Variants in ARL2BP observed in about 807,000 individuals in gnomAD.
ARL2BP encodes the protein ADP-ribosylation factor-like protein 2-binding protein.
ARL2BP carries 19 observed loss-of-function variants against 24.2 expected under a neutral mutation model. The ratio of observed to expected loss-of-function variants is 0.79; its 90% CI spans 0.55 to 1.15. The LOEUF (loss-of-function observed/expected upper bound fraction) is 1.15. Ranked by LOEUF, ARL2BP falls within the 50% of genes most tolerant of loss-of-function variation. The probability of loss-of-function intolerance (pLI) is 0.00; values close to 1 mark genes in which losing one functional copy is unlikely to be tolerated. For synonymous variants in ARL2BP, 56 were observed against 70.5 expected, an observed-to-expected ratio of 0.79 and a Z score of 1.03; for missense variants, 160 against 190.4, an observed-to-expected ratio of 0.84 and a Z score of 0.94.
chr16:57,252,481 C>T lies in ARL2BP; in HGVS notation c.*214C>T. The T allele has an allele frequency of 1.2e-6, 1 of 810,982 alleles. No individual in the cohort carries two copies. The highest frequency in any genetic ancestry group is 1.7e-5 in the African/African-American group (1 of 57,702). The allele number at this position is 810,982 out of a possible 1,614,324, so 50.2% of individuals were successfully genotyped here. ...TGTATTCATTAACCATAGTACTCCTCCCCACCTCAAGTAGACACCTCTCTC... is the reference window on the plus strand; with the variant it reads ...TGTATTCATTAACCATAGTACTCCTTCCCACCTCAAGTAGACACCTCTCTC... On this transcript the variant is annotated 3_prime_UTR_variant, in exon 6 of 6. Coordinates refer to ENST00000219204, the MANE Select transcript of ARL2BP (RefSeq NM_012106.4).
Position 57,248,625 on chromosome 16 carries a change from AC to A in ARL2BP, c.191del (p.Pro64LeufsTer10), listed in dbSNP as rs1286765014. 4 of 1,583,880 alleles carry A rather than the reference AC, an allele frequency of 2.5e-6. No individual in the cohort carries two copies. Among genetic ancestry groups the A allele is most frequent in the Admixed American group, 3.5e-5 (2 of 56,452 alleles). ...CAGAAGAGAATAAACTCATCTACACACCTATTTTTAATGAATACGTAAGTAG... is the reference window on the plus strand; with the variant it reads ...CAGAAGAGAATAAACTCATCTACACACTATTTTTAATGAATACGTAAGTAG... ...DTEENKLIYTPIFNEYISLVE... is the reference protein window; with the variant it reads ...DTEENKLIYTXIFNEYISLVE... On this transcript the variant is annotated frameshift_variant, in exon 3 of 6. Transcript: ENST00000219204. LOFTEE classifies it high-confidence loss of function.
chr16:57,246,804 G>C (rs1248079476), intron 2 of ARL2BP, among the ~76,000 whole-genome samples: 2 of 152,080 alleles, frequency 1.3e-5, no homozygotes, highest in African/African-American at 4.8e-5. Flanking sequence ...ACTCCGTCTG[G>C]AAAAAATAAA....
Position 57,246,160 on chromosome 16 carries a change from GTTT to G in ARL2BP, c.100+22_100+24del. On this transcript the variant is annotated intron_variant, in intron 2 of 5. Coordinates refer to ENST00000219204, the MANE Select transcript of ARL2BP (RefSeq NM_012106.4). ...ATCATGGGTAAGCTTTTAAGATACT[GTTT>G]TTAAGGACTTGCTTGTTTCTTTAAG... The G allele has an allele frequency of 6.2e-7, 1 of 1,605,972 alleles. No homozygotes were observed. Among genetic ancestry groups the G allele is most frequent in the East Asian group, 2.2e-5 (1 of 44,834 alleles).
At chr16:57,250,707 AG>A in intron 5 of ARL2BP, 200 bp downstream of exon 5, 1 of 583,870 alleles carries the variant, frequency 1.7e-6, no homozygotes, top group East Asian at 2.9e-5. Context: ...GTACCAACTT[AG>A]AGTTCCTAAT....
In ARL2BP at chr16:57,248,643, CGTAA is replaced by C. The variant is rs780285650; in HGVS notation, c.207+4_207+7del. On this transcript the variant is annotated splice_donor_variant and splice_donor_region_variant and intron_variant, in intron 3 of 5. Transcript: ENST00000219204. LOFTEE classifies it high-confidence loss of function. ...TCTACACACCTATTTTTAATGAATA[CGTAA>C]GTAGATTTCTATGTCTCCTACCAGG... The C allele has an allele frequency of 6.6e-7, 1 of 1,521,524 alleles. No homozygotes were observed. Among genetic ancestry groups the C allele is most frequent in the Non-Finnish European group, 8.9e-7 (1 of 1,119,968 alleles). The allele number at this position is 1,521,524 out of a possible 1,614,324, so 94.3% of individuals were successfully genotyped here. A position where few individuals can be genotyped will look rare whatever the true frequency, so the allele number is the denominator to read the frequency against.
intron 5 of ARL2BP, 98 bp downstream of exon 5, chr16:57,250,605 C>A: frequency 1.1e-6 from 1 of 950,746 alleles, no homozygotes; most frequent in Non-Finnish European, 1.7e-6. Context: ...CCCCATCATT[C>A]TCCCTTCAAA....
intron 2 of ARL2BP, among the ~76,000 whole-genome samples, chr16:57,247,130 G>A (rs1300302256): frequency 6.6e-6 from 1 of 152,166 alleles, no homozygotes; most frequent in Non-Finnish European, 1.5e-5. Flanking sequence ...GAAAATTACT[G>A]ACCAAGTTTT....
At chr16:57,247,368 A>G (rs1366133575) in intron 2 of ARL2BP, 1 of 152,166 alleles carries the variant, frequency 6.6e-6, no homozygotes, top group African/African-American at 2.4e-5. Flanking sequence ...TATTTTTAGA[A>G]ATAATCTATT....
In ARL2BP at chr16:57,253,095, A is replaced by G. The variant is rs1451332078; in HGVS notation, c.*828A>G. 1.3e-5 allele frequency: 2 copies of G among 152,768 alleles called. No individual in the cohort carries two copies. Among genetic ancestry groups the G allele is most frequent in the Non-Finnish European group, 2.9e-5 (2 of 68,032 alleles). The allele number at this position is 152,768 out of a possible 1,614,324, so 9.5% of individuals were successfully genotyped here. On this transcript the variant is annotated 3_prime_UTR_variant, in exon 6 of 6. Coordinates refer to ENST00000219204, the MANE Select transcript of ARL2BP (RefSeq NM_012106.4). ...CTGTGAAGGCAAAAATGCTTTCTAC[A>G]TTGACATTCATTCCTATTTTACTGG...
intron 5 of ARL2BP, chr16:57,251,876 G>C: frequency 3.0e-6 from 1 of 329,814 alleles, no homozygotes. Context: ...GAGGCAGGAG[G>C]ACCACTTGAG....
At chr16:57,250,151 G>A (rs1300200963) in intron 4 of ARL2BP, 2 of 596,020 alleles carry the variant, frequency 3.4e-6, no homozygotes, top group Non-Finnish European at 5.9e-6. Flanking sequence ...TTAGTCAGGT[G>A]TGGTGTTGCA....
intron 1 of ARL2BP, 106 bp downstream of exon 1, chr16:57,245,511 CG>C (rs1252067039): frequency 5.2e-5 from 76 of 1,473,858 alleles, no homozygotes; most frequent in Non-Finnish European, 5.7e-5. Context: ...CGGGCCGGGC[CG>C]GGCCGGGCAG....
Position 57,245,732 on chromosome 16 carries a change from C to T in ARL2BP, c.38+327C>T, listed in dbSNP as rs539281554. 6.7e-4 allele frequency: 346 copies of T among 513,534 alleles called. 1 individual carries two copies. The highest frequency in any genetic ancestry group is 6.4e-3 in the African/African-American group (327 of 51,268). 31.8% of individuals were successfully genotyped at this position (513,534 alleles called of 1,614,324 possible). ...AGGCCCCTCCACCCCTCCCTGGCCCCCGCCTCCCGGACTCCTGACCAAATG... is the reference window on the plus strand; with the variant it reads ...AGGCCCCTCCACCCCTCCCTGGCCCTCGCCTCCCGGACTCCTGACCAAATG... On this transcript the variant is annotated intron_variant, in intron 1 of 5. Coordinates refer to ENST00000219204, the MANE Select transcript of ARL2BP (RefSeq NM_012106.4).
intron 1 of ARL2BP, 94 bp from the exon 2 acceptor site, chr16:57,245,986 T>C (rs1185301752): frequency 1.6e-6 from 2 of 1,258,506 alleles, no homozygotes; most frequent in Non-Finnish European, 2.3e-6. Flanking sequence ...TTTGCTACTC[T>C]TTTTTCTCTT....
At chr16:57,248,449 T>C in intron 2 of ARL2BP, 88 bp from the exon 3 acceptor site, 1 of 737,076 alleles carries the variant, frequency 1.4e-6, no homozygotes, top group Non-Finnish European at 2.3e-6. Context: ...GAGAAAGCAG[T>C]ACTGCTGACA....
Position 57,248,556 on chromosome 16 carries a change from A to T in ARL2BP, c.120A>T (p.Leu40Phe), listed in dbSNP as rs186308074. 3.1e-6 allele frequency: 5 copies of T among 1,603,660 alleles called. No homozygotes were observed. In the African/African-American group the frequency reaches 5.4e-5, roughly 17 times the overall value. ...GTTCAGATGACGAGTTCCAGTTATT[A>T]CAGAGAAATTTCATGGACAAGTACT... The part of the protein sequence containing the change: ...DIIMDDEFQL[L>F]QRNFMDKYYL... The change falls in exon 3 of 6, where the codon TTA (leucine) becomes TTT (phenylalanine). Residue 40 changes from leucine to phenylalanine, a missense_variant. Leu to Phe is a conservative substitution (Grantham distance 22). Coordinates refer to ENST00000219204, the MANE Select transcript of ARL2BP (RefSeq NM_012106.4).
intron 5 of ARL2BP, 109 bp downstream of exon 5, chr16:57,250,616 C>T (rs2075404472): frequency 2.3e-6 from 2 of 852,884 alleles, no homozygotes; most frequent in South Asian, 3.0e-5. Flanking sequence ...TCCCTTCAAA[C>T]TGGCCGATGA....
rs566741650 is a variant in ARL2BP, at chr16:57,250,770, T to C, written c.390+263T>C. The C allele has an allele frequency of 1.3e-5, 6 of 451,968 alleles. No individual in the cohort carries two copies. In the South Asian group the frequency reaches 1.8e-4, roughly 13 times the overall value. 28.0% of individuals were successfully genotyped at this position (451,968 alleles called of 1,614,324 possible). A position where few individuals can be genotyped will look rare whatever the true frequency, so the allele number is the denominator to read the frequency against. ...TCTCAGGTCTCATTCTGCCTTGCCT[T>C]TCTTTTATTTATTTTTTTTTTTGAG... On this transcript the variant is annotated intron_variant, in intron 5 of 5. Transcript: ENST00000219204.
chr16:57,245,934 C>A, intron 1 of ARL2BP, 146 bp from the exon 2 acceptor site: 2 of 737,686 alleles, frequency 2.7e-6, no homozygotes, highest in Middle Eastern at 2.9e-4. Context: ...CTAGATCAGT[C>A]AGTCATTCTT....
Sources: gnomAD v4.1 joint callset for allele counts (sites outside exome capture counted in the v4.1 genomes callset) on GRCh38, gnomAD v4.1.1 for gene constraint, MANE v1.5 for transcripts, NCBI Gene and HGNC (gene_info 2026-07-23, HGNC 2026-07-21) for gene names.